SH3GLB1: variants seen among roughly 807,000 people sequenced by gnomAD.
SH3GLB1 encodes the protein SH3 domain containing GRB2 like, endophilin B1, also known as endophilin-B1.
A neutral mutation model predicts 42.0 loss-of-function variants in SH3GLB1; 17 were observed. The observed-to-expected ratio is 0.40, with a 90% CI of 0.28 to 0.61. The LOEUF (loss-of-function observed/expected upper bound fraction) is 0.61, where lower values mean the gene tolerates loss of function less well. SH3GLB1 is among the 20% of genes least tolerant of loss of function. The pLI is 0.36. For missense variants in SH3GLB1, 355 were observed against 426.3 expected (o/e 0.83, Z 1.47); for synonymous variants, 132 against 146.6 (o/e 0.90, Z 0.72).
rs771746115 is a variant in SH3GLB1, at chr1:86,743,281, A to G, written c.*46A>G. On this transcript the variant is annotated 3_prime_UTR_variant, in exon 9 of 9. Transcript: ENST00000370558. Reference sequence around the variant, plus strand: ...TTGCCCATCATGACTTTGTATTTATATACAATTAACTCTAAATAAAGCAGG... The same window carrying G: ...TTGCCCATCATGACTTTGTATTTATGTACAATTAACTCTAAATAAAGCAGG... 2 of 1,316,580 alleles carry G rather than the reference A, an allele frequency of 1.5e-6. No homozygotes were observed. Among genetic ancestry groups the G allele is most frequent in the East Asian group, 2.4e-5 (1 of 42,216 alleles). The allele number at this position is 1,316,580 out of a possible 1,614,324, so 81.6% of individuals were successfully genotyped here. A position where few individuals can be genotyped will look rare whatever the true frequency, so the allele number is the denominator to read the frequency against.
intron 5 of SH3GLB1, among the ~76,000 whole-genome samples, chr1:86,727,959 A>G (rs1265404962): frequency 1.3e-5 from 2 of 152,076 alleles, no homozygotes; most frequent in Non-Finnish European, 2.9e-5. Context: ...AAGGATTGAC[A>G]TGCCTTTAAG....
chr1:86,736,231 G>C (rs1655771239), intron 7 of SH3GLB1, among the ~76,000 whole-genome samples: 1 of 152,102 alleles, frequency 6.6e-6, no homozygotes, highest in Admixed American at 6.5e-5. Flanking sequence ...TTTATATATT[G>C]AGGAACCATT....
At chr1:86,708,964 T>C (rs1654032273) in intron 1 of SH3GLB1, among the ~76,000 whole-genome samples, 2 of 152,180 alleles carry the variant, frequency 1.3e-5, no homozygotes, top group Non-Finnish European at 2.9e-5. Context: ...GATACAACTT[T>C]ATTCATCTCC....
chr1:86,709,175 A>C (rs1342242102), intron 1 of SH3GLB1, among the ~76,000 whole-genome samples: 1 of 152,208 alleles, frequency 6.6e-6, no homozygotes, highest in Non-Finnish European at 1.5e-5. Context: ...TGGAACTCTA[A>C]AGTTCTGTTA....
At chr1:86,722,010 C>CTT (rs377380040) in intron 3 of SH3GLB1, among the ~76,000 whole-genome samples, 11,969 of 111,516 alleles carry the variant, frequency 0.11, 1,399 homozygotes, top group African/African-American at 0.26. Flanking sequence ...AGGCAACCAT[C>CTT]TTTTTTTTTT....
At chr1:86,713,089 CCA>C (rs975570314) in intron 1 of SH3GLB1, among the ~76,000 whole-genome samples, 3 of 151,858 alleles carry the variant, frequency 2.0e-5, no homozygotes, top group Admixed American at 6.6e-5. Flanking sequence ...GCCCTGAACC[CCA>C]GTTTGTATCA....
intron 7 of SH3GLB1, among the ~76,000 whole-genome samples, chr1:86,738,509 C>T (rs900618812): frequency 2.6e-5 from 4 of 151,996 alleles, no homozygotes; most frequent in Non-Finnish European, 5.9e-5. Context: ...TTGTGATCTG[C>T]CCGCCTCGGC....
chr1:86,704,947 C>A lies in SH3GLB1; in HGVS notation c.48C>A (p.Gly16=), dbSNP rs763341902. 155 of 1,584,596 alleles carry A rather than the reference C, an allele frequency of 9.8e-5. No individual in the cohort carries two copies. The highest frequency in any genetic ancestry group is 1.2e-4 in the Non-Finnish European group (143 of 1,167,886). ...FNVKKLAADA[G]TFLSRAVQFT... is the part of the protein sequence containing the mutation. ...TGAAGAAGCTGGCGGCCGACGCAGG[C>A]ACCTTCCTCAGTCGCGCCGTGCAGG... The change falls in exon 1 of 9, where the codon GGC becomes GGA. Residue 16 remains glycine (G), a synonymous_variant. Coordinates refer to ENST00000370558, the MANE Select transcript of SH3GLB1 (RefSeq NM_016009.5).
intron 5 of SH3GLB1, among the ~76,000 whole-genome samples, chr1:86,731,102 T>A (rs1655485206): frequency 6.6e-6 from 1 of 152,164 alleles, no homozygotes; most frequent in African/African-American, 2.4e-5. Context: ...ATTTCTAATC[T>A]TCTGTGGGCT....
chr1:86,704,760 G>A lies in SH3GLB1; in HGVS notation c.-140G>A. 2 of 505,252 alleles carry A rather than the reference G, an allele frequency of 4.0e-6. No individual in the cohort carries two copies. The highest frequency in any genetic ancestry group is 3.5e-6 in the Non-Finnish European group (1 of 289,252). 31.3% of individuals were successfully genotyped at this position (505,252 alleles called of 1,614,324 possible). A position where few individuals can be genotyped will look rare whatever the true frequency, so the allele number is the denominator to read the frequency against. The stretch of plus-strand genomic sequence containing the variant: ...ATCCTCCCCGTTCACGGAAACGACA[G>A]CTGCGGCTGCGGGGCTGGCGCCGCC... On this transcript the variant is annotated 5_prime_UTR_variant, in exon 1 of 9. Transcript: ENST00000370558.
intron 5 of SH3GLB1, 139 bp from the exon 6 acceptor site, chr1:86,734,463 A>T: frequency 1.6e-6 from 1 of 625,674 alleles, no homozygotes; most frequent in South Asian, 2.0e-5. Context: ...GGACCATTTT[A>T]GATACAAAGC....
intron 5 of SH3GLB1, among the ~76,000 whole-genome samples, chr1:86,729,063 G>T (rs900823966): frequency 9.9e-5 from 15 of 152,052 alleles, no homozygotes; most frequent in African/African-American, 3.6e-4. Flanking sequence ...ATTGTTTTAT[G>T]GTATCCAATG....
At chr1:86,724,173 T>A (rs1225814468) in intron 4 of SH3GLB1, 140 bp from the exon 5 acceptor site, 1 of 523,526 alleles carries the variant, frequency 1.9e-6, no homozygotes, top group Non-Finnish European at 3.2e-6. Context: ...ACATGAATGG[T>A]AACTTTATAG....
chr1:86,710,509 C>A (rs1167801307), intron 1 of SH3GLB1, among the ~76,000 whole-genome samples: 1 of 152,172 alleles, frequency 6.6e-6, no homozygotes, highest in African/African-American at 2.4e-5. Context: ...AGGTGATCCA[C>A]CCGCCTCAGC....
chr1:86,708,305 A>G (rs777853447), intron 1 of SH3GLB1, among the ~76,000 whole-genome samples: 23 of 152,196 alleles, frequency 1.5e-4, no homozygotes, highest in Non-Finnish European at 2.8e-4. Context: ...AGCTATGCCA[A>G]TATCTCTTTA....
chr1:86,720,011 A>AAC (rs1357053636), intron 3 of SH3GLB1, among the ~76,000 whole-genome samples: 1 of 151,636 alleles, frequency 6.6e-6, no homozygotes, highest in Non-Finnish European at 1.5e-5. Flanking sequence ...AAAAAAAAAA[A>AAC]AAAAAACATA....
At chr1:86,715,066 T>C (rs1654429822) in intron 1 of SH3GLB1, among the ~76,000 whole-genome samples, 1 of 152,176 alleles carries the variant, frequency 6.6e-6, no homozygotes, top group South Asian at 2.1e-4. Flanking sequence ...CTGGAACATA[T>C]CCTCAGCAGC....
At chr1:86,734,146 G>C (rs1020456798) in intron 5 of SH3GLB1, 1 of 152,414 alleles carries the variant, frequency 6.6e-6, no homozygotes, top group East Asian at 1.9e-4. Context: ...TCACTCTAAA[G>C]TCTTTTGCAT....
Position 86,742,243 on chromosome 1 carries a change from C to T in SH3GLB1, c.797C>T (p.Thr266Ile). 1.9e-6 allele frequency: 3 copies of T among 1,614,076 alleles called. No individual in the cohort carries two copies. Among genetic ancestry groups the T allele is most frequent in the Non-Finnish European group, 2.5e-6 (3 of 1,179,966 alleles). Residue 266 changes from threonine to isoleucine, a missense_variant, in exon 8 of 9, where the codon ACT (threonine) becomes ATT (isoleucine). By Grantham distance (89) the Thr-to-Ile change is moderately conservative. Coordinates refer to ENST00000370558, the MANE Select transcript of SH3GLB1 (RefSeq NM_016009.5). ...PSNYLSNNNQ[T>I]SVTPVPSVLP... is the part of the protein sequence containing the mutation. ...AATTATCTTAGTAACAACAATCAGA[C>T]TTCTGTGACACCTGTACCATCAGTT...
Sources: gnomAD v4.1 joint callset for allele counts (sites outside exome capture counted in the v4.1 genomes callset) on GRCh38, gnomAD v4.1.1 for gene constraint, MANE v1.5 for transcripts, NCBI Gene and HGNC (gene_info 2026-07-23, HGNC 2026-07-21) for gene names.